CNTN4: variants seen among roughly 807,000 people sequenced by gnomAD.
CNTN4 encodes contactin 4, also known as contactin-4.
Under a neutral mutation model 122.5 loss-of-function variants are expected in CNTN4, and 77 were observed. The observed-to-expected ratio is 0.63, with a 90% CI of 0.52 to 0.76. The LOEUF is 0.76. Ranked by LOEUF, CNTN4 falls within the 30% of genes least tolerant of loss-of-function variation. The probability of loss-of-function intolerance (pLI) is 0.00; values close to 1 mark genes in which losing one functional copy is unlikely to be tolerated. For synonymous variants in CNTN4, 512 were observed against 447.0 expected (o/e 1.15, Z -1.83); for missense variants, 1,256 against 1,259.1 (o/e 1.00, Z 0.04).
intron 2 of CNTN4, among the ~76,000 whole-genome samples, chr3:2,202,869 G>A (rs2038164213): frequency 6.6e-6 from 1 of 151,720 alleles, no homozygotes; most frequent in South Asian, 2.1e-4. Context: ...TGTCACCCAG[G>A]CTGGAGTGCA....
At chr3:2,848,415 A>G (rs2093491675) in intron 7 of CNTN4, among the ~76,000 whole-genome samples, 1 of 152,226 alleles carries the variant, frequency 6.6e-6, no homozygotes, top group Non-Finnish European at 1.5e-5. Context: ...TTGAGAAGGT[A>G]GAGTTTGAAA....
chr3:2,475,181 T>A (rs1424762915), intron 3 of CNTN4, among the ~76,000 whole-genome samples: 4 of 152,212 alleles, frequency 2.6e-5, no homozygotes, highest in Admixed American at 2.6e-4. Flanking sequence ...AAAAGGATTT[T>A]AAAGTTGTAT....
chr3:2,583,691 A>T (rs1412977442), intron 4 of CNTN4, among the ~76,000 whole-genome samples: 1 of 152,206 alleles, frequency 6.6e-6, no homozygotes, highest in Non-Finnish European at 1.5e-5. Flanking sequence ...ATATTTACGC[A>T]TTCTTTATTT....
At chr3:2,410,950 C>T (rs1017360766) in intron 3 of CNTN4, among the ~76,000 whole-genome samples, 2 of 152,122 alleles carry the variant, frequency 1.3e-5, no homozygotes, top group Non-Finnish European at 2.9e-5. Context: ...TAGTTTTGCT[C>T]TTAACTGTAG....
intron 1 of CNTN4, 133 bp from the exon 2 acceptor site, chr3:2,100,425 T>C (rs1344949428): frequency 2.0e-5 from 3 of 152,230 alleles, no homozygotes; most frequent in Non-Finnish European, 4.4e-5. Flanking sequence ...TTGAGATTTC[T>C]GGTTTATGTC....
chr3:3,049,646 C>G (rs1559837099), intron 23 of CNTN4, among the ~76,000 whole-genome samples: 1 of 152,096 alleles, frequency 6.6e-6, no homozygotes, highest in Non-Finnish European at 1.5e-5. Context: ...ATAGAGAAAG[C>G]CATGGAGTGG....
At chr3:2,279,245 G>C (rs1433740627) in intron 2 of CNTN4, among the ~76,000 whole-genome samples, 1 of 152,098 alleles carries the variant, frequency 6.6e-6, no homozygotes, top group Non-Finnish European at 1.5e-5. Flanking sequence ...TGTCAAGGTG[G>C]AATCACACGT....
At chr3:2,605,962 G>A (rs1019627888) in intron 4 of CNTN4, among the ~76,000 whole-genome samples, 20 of 152,172 alleles carry the variant, frequency 1.3e-4, no homozygotes, top group African/African-American at 4.8e-4. Flanking sequence ...GGCTACGTTG[G>A]ACAGGCAAGG....
At chr3:2,276,630 A>G (rs2041520891) in intron 2 of CNTN4, among the ~76,000 whole-genome samples, 1 of 152,198 alleles carries the variant, frequency 6.6e-6, no homozygotes, top group South Asian at 2.1e-4. Flanking sequence ...AAACTAACAC[A>G]CTGGTTACTT....
At chr3:2,297,702 G>A (rs1287031833) in intron 2 of CNTN4, among the ~76,000 whole-genome samples, 1 of 151,944 alleles carries the variant, frequency 6.6e-6, no homozygotes, top group Non-Finnish European at 1.5e-5. Flanking sequence ...GCTTGTTTTT[G>A]TGTGTTTTGT....
At chr3:2,743,355 T>C (rs1188410906) in intron 5 of CNTN4, among the ~76,000 whole-genome samples, 1 of 152,180 alleles carries the variant, frequency 6.6e-6, no homozygotes, top group Non-Finnish European at 1.5e-5. Flanking sequence ...GTTCTGTCTT[T>C]ATTATACTTT....
intron 4 of CNTN4, among the ~76,000 whole-genome samples, chr3:2,620,579 C>T (rs1432312399): frequency 6.6e-6 from 1 of 152,114 alleles, no homozygotes; most frequent in Non-Finnish European, 1.5e-5. Context: ...ATATTAGCCT[C>T]ATACCTTCAT....
chr3:2,287,757 G>T (rs1388535841), intron 2 of CNTN4, among the ~76,000 whole-genome samples: 8 of 146,322 alleles, frequency 5.5e-5, no homozygotes, highest in South Asian at 2.2e-4. Flanking sequence ...AGAAGAAGAA[G>T]AAGAAGAAGA....
At chr3:2,752,788 C>T (rs1291644823) in intron 6 of CNTN4, among the ~76,000 whole-genome samples, 4 of 152,092 alleles carry the variant, frequency 2.6e-5, no homozygotes, top group Admixed American at 6.6e-5. Context: ...CTCTAGTTAC[C>T]ACTCTTCTAC....
At chr3:2,832,901 C>T (rs754096786) in intron 7 of CNTN4, among the ~76,000 whole-genome samples, 1 of 151,882 alleles carries the variant, frequency 6.6e-6, no homozygotes, top group Non-Finnish European at 1.5e-5. Context: ...GAATTACAAC[C>T]GATGTGTTAA....
intron 5 of CNTN4, among the ~76,000 whole-genome samples, chr3:2,745,157 T>C (rs959661912): frequency 2.0e-5 from 3 of 152,188 alleles, no homozygotes; most frequent in Admixed American, 1.3e-4. Flanking sequence ...TAAAGAATGA[T>C]TGCAAACTAG....
intron 12 of CNTN4, among the ~76,000 whole-genome samples, chr3:2,914,263 A>G (rs2094331305): frequency 1.3e-5 from 2 of 152,204 alleles, no homozygotes; most frequent in Admixed American, 1.3e-4. Context: ...AAAGATTTTA[A>G]AAACTGAAAA....
intron 14 of CNTN4, among the ~76,000 whole-genome samples, chr3:3,003,603 A>C (rs145178728): frequency 2.4e-3 from 338 of 143,684 alleles, no homozygotes; most frequent in African/African-American, 7.3e-3. Context: ...GGCAAGAATT[A>C]GGACTGACTC....
chr3:2,758,976 C>G (rs185801572), intron 6 of CNTN4, among the ~76,000 whole-genome samples: 8 of 152,242 alleles, frequency 5.3e-5, no homozygotes, highest in Middle Eastern at 3.4e-3. Context: ...AAACCTGTAA[C>G]CGTTAACAGT....
Sources: allele counts gnomAD v4.1 joint callset (sites outside exome capture counted in the v4.1 genomes callset), GRCh38; gene constraint gnomAD v4.1.1; transcripts MANE v1.5; gene names NCBI Gene and HGNC (gene_info 2026-07-23, HGNC 2026-07-21).